DPP10: variants seen among roughly 807,000 people sequenced by gnomAD.
The protein encoded by DPP10 is inactive dipeptidyl peptidase 10.
In DPP10, 33 loss-of-function variants were observed where a neutral mutation model predicts 120.9. The ratio of observed to expected loss-of-function variants is 0.27; its 90% CI spans 0.21 to 0.37. The LOEUF (loss-of-function observed/expected upper bound fraction) is 0.37, where lower values mean the gene tolerates loss of function less well. Ranked by LOEUF, DPP10 falls within the 10% of genes least tolerant of loss-of-function variation. The pLI is 1.00. For synonymous variants in DPP10, 337 were observed against 326.1 expected (o/e 1.03, Z -0.36); for missense variants, 816 against 942.8 (o/e 0.87, Z 1.76).
At chr2:115,375,605 A>G (rs866826997) in intron 3 of DPP10, among the ~76,000 whole-genome samples, 1 of 152,104 alleles carries the variant, frequency 6.6e-6, no homozygotes, top group Admixed American at 6.5e-5. Context: ...AATTTTCTGT[A>G]TTAGTTTGTT....
Position 115,739,792 on chromosome 2 carries a change from C to T in DPP10, c.751C>T (p.Leu251Phe). 1.9e-6 allele frequency: 3 copies of T among 1,613,612 alleles called. No homozygotes were observed. The highest frequency in any genetic ancestry group is 2.5e-6 in the Non-Finnish European group (3 of 1,179,586). ...AHWWSPDGER[L>F]AFLMINDSLV... Reference sequence around the variant, plus strand: ...CTGGTGGTCACCAGATGGAGAAAGACTTGCCTTCCTGATGATAAATGACTC... The same window carrying T: ...CTGGTGGTCACCAGATGGAGAAAGATTTGCCTTCCTGATGATAAATGACTC... Residue 251 changes from leucine (L) to phenylalanine (F), a missense_variant, in exon 9 of 26, where the codon CTT (leucine) becomes TTT (phenylalanine). By Grantham distance (22) the Leu-to-Phe change is conservative (BLOSUM62 0). Around this residue, in one of 3 missense-constraint regions of DPP10, gnomAD observed 42 missense variants for 86.4 expected, o/e 0.49. Coordinates refer to ENST00000410059, the MANE Select transcript of DPP10 (RefSeq NM_020868.6).
intron 8 of DPP10, among the ~76,000 whole-genome samples, chr2:115,736,213 A>G (rs1559090888): frequency 6.6e-6 from 1 of 152,178 alleles, no homozygotes; most frequent in East Asian, 1.9e-4. Context: ...TATTGCTGTG[A>G]TAATAAAAGA....
intron 1 of DPP10, among the ~76,000 whole-genome samples, chr2:114,629,729 C>T (rs1694779541): frequency 1.3e-5 from 2 of 152,098 alleles, no homozygotes; most frequent in African/African-American, 4.8e-5. Context: ...GACCTAAATT[C>T]ATTAAAATGT....
intron 1 of DPP10, among the ~76,000 whole-genome samples, chr2:114,591,537 G>T (rs1691459250): frequency 1.4e-5 from 2 of 147,910 alleles, no homozygotes; most frequent in Admixed American, 6.8e-5. Flanking sequence ...GGCTCAGAAT[G>T]TACCCAACCT....
intron 12 of DPP10, among the ~76,000 whole-genome samples, chr2:115,764,297 G>T (rs565091109): frequency 6.6e-6 from 1 of 152,198 alleles, no homozygotes; most frequent in East Asian, 1.9e-4. Context: ...ATAATTGTTT[G>T]TCTGAAGGGT....
intron 25 of DPP10, among the ~76,000 whole-genome samples, chr2:115,841,100 A>T (rs571209781): frequency 6.6e-6 from 1 of 151,838 alleles, no homozygotes; most frequent in Non-Finnish European, 1.5e-5. Context: ...ACAAGTTTCT[A>T]CTTCCCTTCT....
At chr2:115,741,667 C>T (rs1021598420) in intron 9 of DPP10, among the ~76,000 whole-genome samples, 2 of 152,100 alleles carry the variant, frequency 1.3e-5, no homozygotes, top group East Asian at 1.9e-4. Flanking sequence ...GACTGCTCAA[C>T]GCACTGCACA....
intron 1 of DPP10, among the ~76,000 whole-genome samples, chr2:115,039,857 C>G (rs980979144): frequency 2.6e-5 from 4 of 152,002 alleles, no homozygotes; most frequent in African/African-American, 9.7e-5. Flanking sequence ...GCTGGGATTA[C>G]AGGGGTGAAA....
chr2:115,678,382 G>A (rs1254836235), intron 5 of DPP10, among the ~76,000 whole-genome samples: 1 of 152,242 alleles, frequency 6.6e-6, no homozygotes, highest in Admixed American at 6.5e-5. Context: ...ATGCTAAAAG[G>A]GGCCGCGGCA....
chr2:115,815,059 C>T, intron 20 of DPP10, 72 bp downstream of exon 20: 2 of 1,349,696 alleles, frequency 1.5e-6, no homozygotes, highest in Non-Finnish European at 2.0e-6. Flanking sequence ...TATAATATTA[C>T]TAACCCTGAC....
In DPP10 at chr2:115,513,291, G is replaced by C. The variant is rs182729647; in HGVS notation, c.367-12607G>C. 5.9e-4 allele frequency among the ~76,000 whole-genome samples: 89 copies of C among 151,544 alleles called. 1 individual carries two copies. Among genetic ancestry groups the C allele is most frequent in the Admixed American group, 2.6e-3 (39 of 15,234 alleles). ...GTCTTCAATTTAGAATATATCCTTTGTATACAGCATATAATTATTTTAAAA... is the reference window on the plus strand; with the variant it reads ...GTCTTCAATTTAGAATATATCCTTTCTATACAGCATATAATTATTTTAAAA... On this transcript the variant is annotated intron_variant, in intron 4 of 25. Transcript: ENST00000410059.
chr2:115,061,268 T>C (rs907836072), intron 1 of DPP10, among the ~76,000 whole-genome samples: 2 of 152,224 alleles, frequency 1.3e-5, no homozygotes, highest in African/African-American at 4.8e-5. Flanking sequence ...GGGAAAACTT[T>C]GATATTTTGA....
chr2:115,681,251 TAG>T (rs1241219137), intron 5 of DPP10, among the ~76,000 whole-genome samples: 1 of 151,918 alleles, frequency 6.6e-6, no homozygotes, highest in Non-Finnish European at 1.5e-5. Flanking sequence ...AAAATAATTT[TAG>T]AGTTTTTTAT....
In DPP10 at chr2:115,781,025, A is replaced by G. The variant is rs779589858; in HGVS notation, c.1483+30A>G. On this transcript the variant is annotated intron_variant, in intron 16 of 25. Transcript: ENST00000410059. The stretch of plus-strand genomic sequence containing the variant: ...GATAATACATGAATTCTGATATAAT[A>G]TATTTTATTCATTGTATTTGGTCAA... 1.5e-5 allele frequency: 22 copies of G among 1,516,828 alleles called. No homozygotes were observed. The South Asian group carries it at 1.6e-4, about 11-fold the overall frequency. The allele number at this position is 1,516,828 out of a possible 1,614,324, so 94.0% of individuals were successfully genotyped here.
chr2:115,186,856 C>T (rs1265247225), intron 1 of DPP10, among the ~76,000 whole-genome samples: 1 of 151,902 alleles, frequency 6.6e-6, no homozygotes, highest in African/African-American at 2.4e-5. Context: ...GCTGACTTTA[C>T]ATGCATCATT....
At chr2:114,509,357 C>T (rs1253363699) in intron 1 of DPP10, among the ~76,000 whole-genome samples, 1 of 152,138 alleles carries the variant, frequency 6.6e-6, no homozygotes, top group Admixed American at 6.5e-5. Context: ...TCTATTAATC[C>T]TTTCTTACAT....
chr2:115,023,124 T>TA (rs1475977130), intron 1 of DPP10, among the ~76,000 whole-genome samples: 1 of 151,782 alleles, frequency 6.6e-6, no homozygotes, highest in African/African-American at 2.4e-5. Flanking sequence ...CAAAAGCAAA[T>TA]ACAACAAAAA....
At chr2:114,989,012 T>C (rs1700598381) in intron 1 of DPP10, among the ~76,000 whole-genome samples, 1 of 152,142 alleles carries the variant, frequency 6.6e-6, no homozygotes, top group African/African-American at 2.4e-5. Flanking sequence ...AAAATTACTA[T>C]AGAGTGGTAC....
At chr2:114,831,921 C>T (rs905570871) in intron 1 of DPP10, among the ~76,000 whole-genome samples, 1 of 149,424 alleles carries the variant, frequency 6.7e-6, no homozygotes, top group South Asian at 2.1e-4. Flanking sequence ...GGTTGATGCT[C>T]TCTGTCCAAA....
Sources: allele counts gnomAD v4.1 joint callset (sites outside exome capture counted in the v4.1 genomes callset), GRCh38; gene constraint gnomAD v4.1.1; regional missense constraint gnomAD v4.1.1; transcripts MANE v1.5; gene names NCBI Gene and HGNC (gene_info 2026-07-23, HGNC 2026-07-21).